LRP1: variants seen among roughly 807,000 people sequenced by gnomAD.
LRP1 encodes the protein LDL receptor related protein 1.
A neutral mutation model predicts 541.5 loss-of-function variants in LRP1; 51 were observed. The observed-to-expected ratio is 0.09, with a 90% CI of 0.08 to 0.12. LRP1 has a LOEUF of 0.12. Ranked by LOEUF, LRP1 falls within the 10% of genes least tolerant of loss-of-function variation. The pLI, the probability that LRP1 is intolerant of heterozygous loss-of-function variation, is 1.00. For missense variants in LRP1, 3,878 were observed against 6,376.2 expected, an observed-to-expected ratio of 0.61 and a Z score of 13.34; for synonymous variants, 2,219 against 2,470.8, an observed-to-expected ratio of 0.90 and a Z score of 3.02.
intron 62 of LRP1, 172 bp downstream of exon 62, chr12:57,200,197 C>A: frequency 1.6e-6 from 1 of 644,956 alleles, no homozygotes; most frequent in East Asian, 2.7e-5. Context: ...CTTTTACCCC[C>A]GTCACCTCAC....
In LRP1 at chr12:57,183,272, G is replaced by A. The variant is rs548802512; in HGVS notation, c.5663-107G>A. The A allele has an allele frequency of 5.7e-6, 7 of 1,222,470 alleles. No individual in the cohort carries two copies. The highest frequency in any genetic ancestry group is 4.1e-5 in the South Asian group (3 of 72,324). The allele number at this position is 1,222,470 out of a possible 1,614,324, so 75.7% of individuals were successfully genotyped here. ...TGGGTGGAGGATAGGGATGATGGTG[G>A]GGGGGGATGATATCAAAGGAGAAGC... is the stretch of plus-strand genomic sequence containing the variant. On this transcript the variant is annotated intron_variant, in intron 34 of 88. Transcript: ENST00000243077. The surrounding 1 kb of genome is among the most constrained non-coding windows in gnomAD (Gnocchi z 6.1).
chr12:57,170,554 T>A (rs1411387179), intron 20 of LRP1, among the ~76,000 whole-genome samples: 1 of 151,860 alleles, frequency 6.6e-6, no homozygotes, highest in East Asian at 1.9e-4. Context: ...GTGTGTTGAC[T>A]CACACCTGTA....
At chr12:57,190,526 G>A (rs572037390) in intron 42 of LRP1, among the ~76,000 whole-genome samples, 2 of 152,326 alleles carry the variant, frequency 1.3e-5, no homozygotes, top group South Asian at 4.1e-4. Flanking sequence ...TGGCTGCACC[G>A]GCTCTCTTCT....
chr12:57,200,564 G>T lies in LRP1; in HGVS notation c.10108+29G>T, dbSNP rs775368638. ...AGTGCCTGCTGGGGGTGACAGGAGG[G>T]CCCCCAGCTGTGTCGGAGGCCTGAC... On this transcript the variant is annotated intron_variant, in intron 63 of 88. Transcript: ENST00000243077. The T allele has an allele frequency of 6.3e-6, 10 of 1,591,936 alleles. No individual in the cohort carries two copies. In the Admixed American group the frequency reaches 1.5e-4, roughly 24 times the overall value.
At position 57,165,764 on chromosome 12, in the gene LRP1, G is replaced by C. The variant is rs201734515; in HGVS notation, c.2531-41G>C. ...AGGGCTTAGTACTTGTCCCACGACC[G>C]GGGTCTGACTTTCCCCCTCACGATC... On this transcript the variant is annotated intron_variant, in intron 15 of 88. Transcript: ENST00000243077. This position sits in a 1 kb window ranked among gnomAD's most constrained non-coding sequence, Gnocchi z 4.5. The C allele has an allele frequency of 7.5e-5, 119 of 1,596,360 alleles. 1 individual carries two copies. The South Asian group carries it at 1.2e-3, about 16-fold the overall frequency.
chr12:57,141,305 C>T (rs917535306), intron 2 of LRP1, 69 bp from the exon 3 acceptor site: 2 of 1,591,400 alleles, frequency 1.3e-6, no homozygotes, highest in East Asian at 2.3e-5. Flanking sequence ...CCCCTCATCC[C>T]CAGTGAACAG....
In LRP1 at chr12:57,190,548, C is replaced by T. The variant is rs952512892; in HGVS notation, c.7032-257C>T. ...ACCGGCTCTCTTCTCAGCAAGTAGACGGTCACTGCCCAGATACTGCAATGT... is the reference window on the plus strand; with the variant it reads ...ACCGGCTCTCTTCTCAGCAAGTAGATGGTCACTGCCCAGATACTGCAATGT... On this transcript the variant is annotated intron_variant, in intron 42 of 88. Coordinates refer to ENST00000243077, the MANE Select transcript of LRP1 (RefSeq NM_002332.3). Among the ~76,000 whole-genome samples, 7 of 152,350 alleles carry T rather than the reference C, an allele frequency of 4.6e-5. No individual in the cohort carries two copies. In the East Asian group the frequency reaches 5.8e-4, roughly 13 times the overall value.
At chr12:57,174,002 A>T in intron 22 of LRP1, 22 bp downstream of exon 22, 1 of 1,610,650 alleles carries the variant, frequency 6.2e-7, no homozygotes, top group South Asian at 1.1e-5. Flanking sequence ...TCCCAGGAGA[A>T]GGGTAGGGAG....
rs1023592032 is a variant in LRP1, at chr12:57,189,865, T to A, written c.7032-940T>A. 6.6e-6 allele frequency among the ~76,000 whole-genome samples: 1 copy of A among 151,908 alleles called. No individual in the cohort carries two copies. The highest frequency in any genetic ancestry group is 1.5e-5 in the Non-Finnish European group (1 of 67,950). On this transcript the variant is annotated intron_variant, in intron 42 of 88. Coordinates refer to ENST00000243077, the MANE Select transcript of LRP1 (RefSeq NM_002332.3). The surrounding 1 kb of genome is among the most constrained non-coding windows in gnomAD (Gnocchi z 4.4). ...CTGCCCCGCCCTGGGCCTAGCTGAG[T>A]GACAAGCTCTGGGACCGAGGACCCA... is the stretch of plus-strand genomic sequence containing the variant.
rs765541886 is a variant in LRP1, at chr12:57,184,431, C to T, written c.6165C>T (p.Asn2055=). ...VLVNVSISWP[N]GISVDYQDGK... ...TCAACGTCAGCATCAGCTGGCCCAA[C>T]GGCATCTCAGTGGACTACCAGGTTC... Residue 2055 remains asparagine (N), a synonymous_variant, in exon 38 of 89, where the codon AAC becomes AAT. Coordinates refer to ENST00000243077, the MANE Select transcript of LRP1 (RefSeq NM_002332.3). The surrounding 1 kb of genome is among the most constrained non-coding windows in gnomAD (Gnocchi z 7.8). 2.8e-5 allele frequency: 46 copies of T among 1,614,120 alleles called. No homozygotes were observed. The highest frequency in any genetic ancestry group is 2.1e-4 in the South Asian group (19 of 91,092).
chr12:57,146,760 C>G (rs1000471952), intron 6 of LRP1: 2 of 152,580 alleles, frequency 1.3e-5, no homozygotes, highest in Non-Finnish European at 2.9e-5. Flanking sequence ...GGGTGCTGAG[C>G]TGGGGGCTGT....
rs2036610927 is a variant in LRP1, at chr12:57,199,841, A to G, written c.9866-36A>G. 25 of 1,556,066 alleles carry G rather than the reference A, an allele frequency of 1.6e-5. No individual in the cohort carries two copies. The East Asian group carries it at 5.8e-4, about 36-fold the overall frequency. The stretch of plus-strand genomic sequence containing the variant: ...GTGAGGCAGCCTTTGGTAGGCCAGA[A>G]AATGTCACCATATTTCACGACGTTT... On this transcript the variant is annotated intron_variant, in intron 61 of 88. Coordinates refer to ENST00000243077, the MANE Select transcript of LRP1 (RefSeq NM_002332.3).
At position 57,197,545 on chromosome 12, in the gene LRP1, G is replaced by A; in HGVS notation, c.9163G>A (p.Gly3055Ser). ...GCTGTCCTTCACTCCCCAAATCCAGGGCCTGAACAACGCCGTTGCCTTGGA... is the reference window on the plus strand; with the variant it reads ...GCTGTCCTTCACTCCCCAAATCCAGAGCCTGAACAACGCCGTTGCCTTGGA... The part of the protein sequence containing the change: ...DGSNYTLLKQ[G>S]LNNAVALDFD... The change falls in exon 58 of 89, where the codon GGC becomes AGC. Residue 3055 changes from glycine to serine, a missense_variant and splice_region_variant. Coordinates refer to ENST00000243077, the MANE Select transcript of LRP1 (RefSeq NM_002332.3). This position sits in a 1 kb window ranked among gnomAD's most constrained non-coding sequence, Gnocchi z 4.5. 1 of 1,613,918 alleles carries A rather than the reference G, an allele frequency of 6.2e-7. No homozygotes were observed. Among genetic ancestry groups the A allele is most frequent in the Non-Finnish European group, 8.5e-7 (1 of 1,179,970 alleles).
At position 57,158,671 on chromosome 12, in the gene LRP1, T is replaced by A; in HGVS notation, c.1798+33T>A. 1 of 1,594,422 alleles carries A rather than the reference T, an allele frequency of 6.3e-7. No homozygotes were observed. Among genetic ancestry groups the A allele is most frequent in the South Asian group, 1.1e-5 (1 of 90,614 alleles). On this transcript the variant is annotated intron_variant, in intron 11 of 88. Coordinates refer to ENST00000243077, the MANE Select transcript of LRP1 (RefSeq NM_002332.3). This position sits in a 1 kb window ranked among gnomAD's most constrained non-coding sequence, Gnocchi z 5.3. ...CTCCTAGGGATGTGGCCCATGGGGA[T>A]GGAAGGGGGCTGGGGCCCAGGCATC...
intron 6 of LRP1, among the ~76,000 whole-genome samples, chr12:57,150,346 C>T (rs1452488688): frequency 6.6e-6 from 1 of 152,010 alleles, no homozygotes; most frequent in East Asian, 1.9e-4. Flanking sequence ...TGCCCGCCAC[C>T]ACGCCTGGCT....
At position 57,198,815 on chromosome 12, in the gene LRP1, G is replaced by C. The variant is rs150937490; in HGVS notation, c.9676+145G>C. On this transcript the variant is annotated intron_variant, in intron 60 of 88. Transcript: ENST00000243077. ...AGGACACCACTCACTGGGGTGTGGGGTTCAGAGCACCCCGGGGGCTTCCCC... is the reference window on the plus strand; with the variant it reads ...AGGACACCACTCACTGGGGTGTGGGCTTCAGAGCACCCCGGGGGCTTCCCC... The C allele has an allele frequency of 5.6e-3, 4,791 of 849,588 alleles. 32 individuals carry two copies. The highest frequency in any genetic ancestry group is 7.7e-3 in the Non-Finnish European group (4,184 of 542,022). 52.6% of individuals were successfully genotyped at this position (849,588 alleles called of 1,614,324 possible).
intron 41 of LRP1, among the ~76,000 whole-genome samples, chr12:57,186,569 C>G (rs2036274401): frequency 6.6e-6 from 1 of 152,238 alleles, no homozygotes; most frequent in South Asian, 2.1e-4. Flanking sequence ...TCCTTTCAGC[C>G]TTTTCTGGGA....
intron 78 of LRP1, 71 bp from the exon 79 acceptor site, chr12:57,209,012 G>A (rs752709283): frequency 2.2e-4 from 294 of 1,307,122 alleles, no homozygotes; most frequent in Non-Finnish European, 2.9e-4. Context: ...TCCCGGGCAT[G>A]GAGGCAGTTC....
intron 1 of LRP1, among the ~76,000 whole-genome samples, chr12:57,136,398 C>G (rs542717290): frequency 2.0e-4 from 28 of 139,462 alleles, no homozygotes; most frequent in East Asian, 1.0e-3. Flanking sequence ...CCTAAGAGCC[C>G]CCCCCCCCCG....
Sources: allele counts gnomAD v4.1 joint callset (sites outside exome capture counted in the v4.1 genomes callset), GRCh38; gene constraint gnomAD v4.1.1; non-coding constraint Gnocchi (gnomAD v3.1); transcripts MANE v1.5; gene names NCBI Gene and HGNC (gene_info 2026-07-23, HGNC 2026-07-21).